The following USH2A variants were observed in gnomAD, a reference collection of about 807,000 sequenced individuals.
The protein encoded by USH2A is usherin.
Under a neutral mutation model 538.9 loss-of-function variants are expected in USH2A, and 443 were observed. The ratio of observed to expected loss-of-function variants is 0.82; its 90% CI spans 0.76 to 0.89. USH2A has a LOEUF of 0.89. Ranked by LOEUF, USH2A falls within the 40% of genes least tolerant of loss-of-function variation. The pLI, the probability that USH2A is intolerant of heterozygous loss-of-function variation, is 0.00. For synonymous variants in USH2A, 2,413 were observed against 2,273.5 expected (o/e 1.06, Z -1.75); for missense variants, 6,633 against 6,324.8 (o/e 1.05, Z -1.65).
At chr1:215,970,855 T>C in intron 35 of USH2A, 79 bp from the exon 36 acceptor site, 1 of 1,396,172 alleles carries the variant, frequency 7.2e-7, no homozygotes, top group Non-Finnish European at 1.0e-6. Context: ...GCACTCTTGA[T>C]GTGATTTCTA....
intron 30 of USH2A, among the ~76,000 whole-genome samples, chr1:216,067,718 T>C (rs2031426477): frequency 6.6e-6 from 1 of 152,054 alleles, no homozygotes. Flanking sequence ...GAGGTATCTA[T>C]GAGAATGCAG....
In USH2A at chr1:216,196,639, C is replaced by G; in HGVS notation, c.4165G>C (p.Val1389Leu). 1.2e-6 allele frequency: 2 copies of G among 1,613,558 alleles called. No individual in the cohort carries two copies. Among genetic ancestry groups the G allele is most frequent in the Non-Finnish European group, 8.5e-7 (1 of 1,179,710 alleles). ...NISWEKPADN[V>L]TRGKVVGYDI... is the part of the protein sequence containing the mutation. ...TACCCCACAACTTTTCCTCTTGTAA[C>G]ATTATCTGCTGGCTTCTCCCAGGAG... The change falls in exon 19 of 72, where the codon GTT becomes CTT. Residue 1389 changes from valine to leucine, a missense_variant. By Grantham distance (32) the Val-to-Leu change is conservative. Coordinates refer to ENST00000307340, the MANE Select transcript of USH2A (RefSeq NM_206933.4).
At chr1:216,266,005 T>C (rs2036465002) in intron 11 of USH2A, among the ~76,000 whole-genome samples, 1 of 152,054 alleles carries the variant, frequency 6.6e-6, no homozygotes, top group Non-Finnish European at 1.5e-5. Flanking sequence ...GTGACTATAG[T>C]TAACAACAAT....
intron 9 of USH2A, among the ~76,000 whole-genome samples, chr1:216,309,030 A>C (rs150152770): frequency 1.3e-5 from 2 of 152,318 alleles, no homozygotes; most frequent in African/African-American, 4.8e-5. Context: ...AAAGTTAATA[A>C]ACACTCTACA....
chr1:216,379,552 C>T (rs1358569827), intron 3 of USH2A, among the ~76,000 whole-genome samples: 1 of 152,068 alleles, frequency 6.6e-6, no homozygotes, highest in Non-Finnish European at 1.5e-5. Context: ...CTCAAAATTT[C>T]ACTGTTCCAT....
chr1:215,755,959 C>T (rs1660782111), intron 58 of USH2A, among the ~76,000 whole-genome samples: 1 of 152,078 alleles, frequency 6.6e-6, no homozygotes, highest in African/African-American at 2.4e-5. Context: ...TAATCCAATC[C>T]TCAGTAGGTG....
intron 21 of USH2A, among the ~76,000 whole-genome samples, chr1:216,120,032 G>A (rs537036537): frequency 6.6e-6 from 1 of 151,774 alleles, no homozygotes; most frequent in African/African-American, 2.4e-5. Flanking sequence ...TTTTTCTAAT[G>A]TGGATTTAGA....
chr1:216,023,810 G>T (rs1668901370), intron 32 of USH2A, among the ~76,000 whole-genome samples: 1 of 152,032 alleles, frequency 6.6e-6, no homozygotes, highest in African/African-American at 2.4e-5. Context: ...TTTGTACGAT[G>T]AATTGCATTT....
chr1:216,160,414 C>T (rs72731362), intron 21 of USH2A, among the ~76,000 whole-genome samples: 32,230 of 151,780 alleles, frequency 0.21, 3,449 homozygotes, highest in Admixed American at 0.25. Context: ...ATTTTCCAAT[C>T]GGATTATGTT....
At chr1:216,397,786 T>C (rs539612215) in intron 3 of USH2A, among the ~76,000 whole-genome samples, 1 of 152,232 alleles carries the variant, frequency 6.6e-6, no homozygotes, top group Non-Finnish European at 1.5e-5. Context: ...GACTGAGACA[T>C]AGTATCACCT....
chr1:216,289,547 A>C, intron 10 of USH2A, 137 bp from the exon 11 acceptor site: 4 of 1,144,506 alleles, frequency 3.5e-6, no homozygotes, highest in Admixed American at 1.9e-5. Flanking sequence ...TTTCATCTCT[A>C]CCTGCCAATT....
chr1:216,283,903 C>T lies in USH2A; in HGVS notation c.1971+5377G>A, dbSNP rs149433110. On this transcript the variant is annotated intron_variant, in intron 11 of 71. Coordinates refer to ENST00000307340, the MANE Select transcript of USH2A (RefSeq NM_206933.4). ...GAATGGTAATGTTTTGACCATCTCT[C>T]GTACAAAAAGAATCTTAACCTCATG... Among the ~76,000 whole-genome samples, 160 of 152,128 alleles carry T rather than the reference C, an allele frequency of 1.1e-3. 3 individuals carry two copies. In the East Asian group the frequency reaches 0.025, roughly 24 times the overall value.
At chr1:216,316,087 A>C (rs2037503509) in intron 9 of USH2A, among the ~76,000 whole-genome samples, 1 of 152,184 alleles carries the variant, frequency 6.6e-6, no homozygotes, top group Non-Finnish European at 1.5e-5. Context: ...TCAAGGCCTT[A>C]AAATTGCCAG....
chr1:215,722,673 C>A (rs1659695577), intron 61 of USH2A, among the ~76,000 whole-genome samples: 2 of 152,090 alleles, frequency 1.3e-5, no homozygotes, highest in African/African-American at 4.8e-5. Context: ...ATTTTATTCC[C>A]AGATTGGAAG....
At chr1:215,675,805 A>G (rs1484826468) in intron 62 of USH2A, among the ~76,000 whole-genome samples, 189 bp from the exon 63 acceptor site, 1 of 152,082 alleles carries the variant, frequency 6.6e-6, no homozygotes, top group Admixed American at 6.6e-5. Flanking sequence ...AGAGACAAAC[A>G]ATGTTTTTCT....
At chr1:216,147,164 G>A (rs1005254338) in intron 21 of USH2A, among the ~76,000 whole-genome samples, 27 of 151,620 alleles carry the variant, frequency 1.8e-4, no homozygotes, top group African/African-American at 5.3e-4. Context: ...CCCAAGCATC[G>A]CTGAGTCTTT....
intron 44 of USH2A, among the ~76,000 whole-genome samples, chr1:215,854,648 C>T (rs115710559): frequency 0.024 from 3,586 of 152,268 alleles, 64 homozygotes; most frequent in Non-Finnish European, 0.038. Context: ...TTCCAGTCCA[C>T]GGCAAAGTGC....
At chr1:215,841,419 A>C (rs967818640) in intron 46 of USH2A, among the ~76,000 whole-genome samples, 1 of 152,208 alleles carries the variant, frequency 6.6e-6, no homozygotes, top group African/African-American at 2.4e-5. Context: ...ATCTTCGACA[A>C]ACCTGACAAA....
At chr1:216,206,158 G>A (rs1009910532) in intron 16 of USH2A, among the ~76,000 whole-genome samples, 1 of 152,050 alleles carries the variant, frequency 6.6e-6, no homozygotes, top group Non-Finnish European at 1.5e-5. Context: ...CATTATAATA[G>A]AAATATTTGA....
Sources: gnomAD v4.1 joint callset for allele counts (sites outside exome capture counted in the v4.1 genomes callset) on GRCh38, gnomAD v4.1.1 for gene constraint, MANE v1.5 for transcripts, NCBI Gene and HGNC (gene_info 2026-07-23, HGNC 2026-07-21) for gene names.